Variants in SGF29 observed in about 807,000 individuals in gnomAD.
SGF29 encodes the protein SAGA complex associated factor 29, also known as SAGA-associated factor 29.
In SGF29, 15 loss-of-function variants were observed where a neutral mutation model predicts 38.1. That is an observed-to-expected ratio of 0.39 (90% CI 0.26 to 0.61). SGF29 has a LOEUF of 0.61. Ranked by LOEUF, SGF29 falls within the 20% of genes least tolerant of loss-of-function variation. The pLI is 0.49. For missense variants in SGF29, 184 were observed against 394.6 expected, an observed-to-expected ratio of 0.47 and a Z score of 4.52; for synonymous variants, 151 against 160.8, an observed-to-expected ratio of 0.94 and a Z score of 0.46.
At chr16:28,589,620 T>G (rs1468125937) in intron 5 of SGF29, among the ~76,000 whole-genome samples, 3 of 152,250 alleles carry the variant, frequency 2.0e-5, no homozygotes, top group Admixed American at 2.0e-4. Flanking sequence ...CACACAGCCA[T>G]GCTGGTTCTG....
intron 3 of SGF29, 28 bp downstream of exon 3, chr16:28,585,016 G>C (rs2046948777): frequency 6.4e-7 from 1 of 1,566,014 alleles, no homozygotes; most frequent in Admixed American, 1.7e-5. Flanking sequence ...GGAGAGAAAG[G>C]GGATGAGATG....
chr16:28,561,894 G>A (rs2046792441), intron 1 of SGF29, among the ~76,000 whole-genome samples: 1 of 152,202 alleles, frequency 6.6e-6, no homozygotes, highest in African/African-American at 2.4e-5. Flanking sequence ...CTTGGCATTT[G>A]TTCTCAGAAG....
At position 28,590,126 on chromosome 16, in the gene SGF29, C is replaced by T. The variant is rs2046979381; in HGVS notation, c.320C>T (p.Ser107Leu). Residue 107 changes from serine (S) to leucine (L), a missense_variant, in exon 6 of 10, where the codon TCG (serine) becomes TTG (leucine). By Grantham distance (145) the Ser-to-Leu change is moderately radical. Coordinates refer to ENST00000317058, the MANE Select transcript of SGF29 (RefSeq NM_138414.3). This position sits in a 1 kb window ranked among gnomAD's most constrained non-coding sequence, Gnocchi z 8.2. ...AAGATTGCCGGTCTCTACAATGACT[C>T]GGAGCCACCCCGGAAGACCATGCGC... is the stretch of plus-strand genomic sequence containing the variant. The part of the protein sequence containing the change: ...AAKIAGLYND[S>L]EPPRKTMRRG... The T allele has an allele frequency of 3.7e-6, 6 of 1,611,770 alleles. No homozygotes were observed. The highest frequency in any genetic ancestry group is 1.1e-5 in the South Asian group (1 of 90,294).
intron 5 of SGF29, 109 bp from the exon 6 acceptor site, chr16:28,589,987 T>G: frequency 2.1e-6 from 3 of 1,449,814 alleles, no homozygotes; most frequent in Non-Finnish European, 2.7e-6. Context: ...TCGGGCTCAC[T>G]CGGGAACTGG....
At chr16:28,575,413 G>A (rs887965352) in intron 1 of SGF29, among the ~76,000 whole-genome samples, 2 of 152,238 alleles carry the variant, frequency 1.3e-5, no homozygotes, top group East Asian at 1.9e-4. Context: ...GGACACGGTG[G>A]CTCACACCTA....
chr16:28,581,176 G>T, intron 2 of SGF29, 32 bp downstream of exon 2: 4 of 1,599,056 alleles, frequency 2.5e-6, no homozygotes, highest in Non-Finnish European at 3.4e-6. Context: ...TTCCCAGATG[G>T]GAACATGGGC....
Position 28,590,035 on chromosome 16 carries a change from T to A in SGF29, c.290-61T>A. 6.4e-7 allele frequency: 1 copy of A among 1,560,438 alleles called. No homozygotes were observed. Among genetic ancestry groups the A allele is most frequent in the South Asian group, 1.2e-5 (1 of 80,746 alleles). On this transcript the variant is annotated intron_variant, in intron 5 of 9. Transcript: ENST00000317058. This position sits in a 1 kb window ranked among gnomAD's most constrained non-coding sequence, Gnocchi z 8.2. Reference sequence around the variant, plus strand: ...GCTCCTTCAACAGCTCAGTGCAGCATGCTCGGGGGTCAAGGCCGGCACCTA... The same window carrying A: ...GCTCCTTCAACAGCTCAGTGCAGCAAGCTCGGGGGTCAAGGCCGGCACCTA...
chr16:28,554,886 C>G (rs866260096), intron 1 of SGF29, among the ~76,000 whole-genome samples: 1 of 152,234 alleles, frequency 6.6e-6, no homozygotes, highest in Non-Finnish European at 1.5e-5. Context: ...TGCTGTGGAT[C>G]ACTGCCCCTC....
Position 28,590,558 on chromosome 16 carries a change from C to CT in SGF29, c.567-72dup. 6.2e-7 allele frequency: 1 copy of CT among 1,612,046 alleles called. No individual in the cohort carries two copies. Among genetic ancestry groups the CT allele is most frequent in the South Asian group, 1.1e-5 (1 of 91,000 alleles). On this transcript the variant is annotated intron_variant, in intron 7 of 9. Transcript: ENST00000317058. The surrounding 1 kb of genome is among the most constrained non-coding windows in gnomAD (Gnocchi z 8.2). ...CTGGTTGTGCAGGGAGCACCAGGTC[C>CT]TCCCCCATCCTCACTCCCCAACAGG... is the stretch of plus-strand genomic sequence containing the variant.
In SGF29 at chr16:28,590,979, C is replaced by G. The variant is rs748949795; in HGVS notation, c.765+44C>G. 2.6e-6 allele frequency: 4 copies of G among 1,549,460 alleles called. No homozygotes were observed. Among genetic ancestry groups the G allele is most frequent in the Non-Finnish European group, 3.5e-6 (4 of 1,144,396 alleles). On this transcript the variant is annotated intron_variant, in intron 9 of 9. Transcript: ENST00000317058. The surrounding 1 kb of genome is among the most constrained non-coding windows in gnomAD (Gnocchi z 8.2). ...GAGAGGCCATGGGTGATGTCAGGAA[C>G]AGGCTGATCAGACAGACGAGGGGTC... is the stretch of plus-strand genomic sequence containing the variant.
Position 28,590,590 on chromosome 16 carries a change from G to T in SGF29, c.567-41G>T, listed in dbSNP as rs377187700. The stretch of plus-strand genomic sequence containing the variant: ...ATCCTCACTCCCCAACAGGTACTGC[G>T]CCCCTGGCTGCATCCAGCCTTTTCC... On this transcript the variant is annotated intron_variant, in intron 7 of 9. Transcript: ENST00000317058. The surrounding 1 kb of genome is among the most constrained non-coding windows in gnomAD (Gnocchi z 8.2). The T allele has an allele frequency of 2.4e-5, 38 of 1,612,728 alleles. No homozygotes were observed. The highest frequency in any genetic ancestry group is 3.4e-6 in the Non-Finnish European group (4 of 1,179,844).
At chr16:28,554,374 G>A (rs986964733) in intron 1 of SGF29, among the ~76,000 whole-genome samples, 2 of 152,152 alleles carry the variant, frequency 1.3e-5, no homozygotes, top group Non-Finnish European at 2.9e-5. Flanking sequence ...GCGACACGCT[G>A]GGCTCGGCAC....
chr16:28,591,422 C>G (rs544226424), intron 9 of SGF29, among the ~76,000 whole-genome samples, 168 bp from the exon 10 acceptor site: 1 of 152,326 alleles, frequency 6.6e-6, no homozygotes, highest in Admixed American at 6.5e-5. Context: ...GAAAAGAGCT[C>G]TGTAGCAGCA....
chr16:28,561,268 C>T (rs2046787755), intron 1 of SGF29, among the ~76,000 whole-genome samples: 3 of 151,932 alleles, frequency 2.0e-5, no homozygotes, highest in Non-Finnish European at 1.5e-5. Flanking sequence ...CAGTGGCTCA[C>T]GCCTGTAATC....
chr16:28,564,696 T>C (rs2607006), intron 1 of SGF29, among the ~76,000 whole-genome samples: 40,838 of 85,238 alleles, frequency 0.48, 11,581 homozygotes, highest in Middle Eastern at 0.65. Context: ...TGTATATATA[T>C]GTATATATAT....
At chr16:28,564,564 T>TACGTATATATATAC (rs773541557) in intron 1 of SGF29, among the ~76,000 whole-genome samples, 4 of 121,884 alleles carry the variant, frequency 3.3e-5, no homozygotes, top group African/African-American at 5.9e-5. Context: ...TATATATATA[T>TACGTATATATATAC]ACGTATATAT....
chr16:28,561,024 A>C (rs982274894), intron 1 of SGF29, among the ~76,000 whole-genome samples: 2 of 152,150 alleles, frequency 1.3e-5, no homozygotes, highest in Admixed American at 6.6e-5. Context: ...GTTGGTATCA[A>C]CTGACAAGAA....
chr16:28,572,998 T>G (rs2046873799), intron 1 of SGF29, among the ~76,000 whole-genome samples: 1 of 152,108 alleles, frequency 6.6e-6, no homozygotes, highest in African/African-American at 2.4e-5. Flanking sequence ...GTAACCTACA[T>G]TTGCTTCCTG....
chr16:28,564,555 ATATATATATACGTATATATATACACG>A lies in SGF29; in HGVS notation c.-16+10470_-16+10495del, dbSNP rs1202334209. On this transcript the variant is annotated intron_variant, in intron 1 of 9. Coordinates refer to ENST00000317058, the MANE Select transcript of SGF29 (RefSeq NM_138414.3). ...TATATATATGTATATATATACGTAT[ATATATATATACGTATATATATACACG>A]TATATATATACACACATATATGTGT... 5.4e-4 allele frequency among the ~76,000 whole-genome samples: 72 copies of A among 132,240 alleles called. No homozygotes were observed. In the South Asian group the frequency reaches 0.015, roughly 27 times the overall value. 86.8% of individuals were successfully genotyped at this position (132,240 alleles called of 152,430 possible). A position where few individuals can be genotyped will look rare whatever the true frequency, so the allele number is the denominator to read the frequency against.
Sources: gnomAD v4.1 joint callset for allele counts (sites outside exome capture counted in the v4.1 genomes callset) on GRCh38, gnomAD v4.1.1 for gene constraint, Gnocchi (gnomAD v3.1) non-coding constraint, MANE v1.5 for transcripts, NCBI Gene and HGNC (gene_info 2026-07-23, HGNC 2026-07-21) for gene names.